Variants in PIP4K2A observed in about 807,000 individuals in gnomAD.
The protein encoded by PIP4K2A is phosphatidylinositol-5-phosphate 4-kinase type 2 alpha.
PIP4K2A carries 14 observed loss-of-function variants against 42.9 expected under a neutral mutation model. The observed-to-expected ratio is 0.33, with a 90% confidence interval of 0.22 to 0.51. The LOEUF is 0.51. Among genes scored for constraint, PIP4K2A ranks in the 20% least tolerant of loss-of-function variants. The pLI is 0.97. For synonymous variants in PIP4K2A, 192 were observed against 192.2 expected, an observed-to-expected ratio of 1.00 and a Z score of 0.01; for missense variants, 434 against 519.8, an observed-to-expected ratio of 0.83 and a Z score of 1.61.
intron 1 of PIP4K2A, among the ~76,000 whole-genome samples, chr10:22,668,752 G>C (rs1209751519): frequency 6.6e-6 from 1 of 152,094 alleles, no homozygotes; most frequent in Non-Finnish European, 1.5e-5. Context: ...CAGTCTACTA[G>C]CAACAGTAGA....
At chr10:22,594,476 G>A (rs1280735155) in intron 3 of PIP4K2A, among the ~76,000 whole-genome samples, 1 of 152,172 alleles carries the variant, frequency 6.6e-6, no homozygotes, top group African/African-American at 2.4e-5. Context: ...GCTCACTGCA[G>A]CCTTGATCTC....
At chr10:22,693,283 A>AT (rs144224297) in intron 1 of PIP4K2A, among the ~76,000 whole-genome samples, 2,788 of 148,864 alleles carry the variant, frequency 0.019, 72 homozygotes, top group African/African-American at 0.061. Context: ...TTACAACTTC[A>AT]TTTTTTTTTT....
intron 3 of PIP4K2A, among the ~76,000 whole-genome samples, chr10:22,603,009 A>T (rs1801582416): frequency 6.6e-6 from 1 of 152,248 alleles, no homozygotes; most frequent in Non-Finnish European, 1.5e-5. Flanking sequence ...TTCTAGAGAT[A>T]AAGGCAGAAT....
chr10:22,636,262 AG>A (rs1838660708), intron 1 of PIP4K2A, among the ~76,000 whole-genome samples: 1 of 152,080 alleles, frequency 6.6e-6, no homozygotes, highest in East Asian at 1.9e-4. Context: ...ATTTATTTTT[AG>A]TTTTTAAAGA....
chr10:22,657,347 A>G (rs552450907), intron 1 of PIP4K2A, among the ~76,000 whole-genome samples: 1 of 152,378 alleles, frequency 6.6e-6, no homozygotes, highest in African/African-American at 2.4e-5. Context: ...AATGACGTTT[A>G]GGAACAAAGC....
intron 1 of PIP4K2A, among the ~76,000 whole-genome samples, chr10:22,664,364 T>C (rs961732555): frequency 7.3e-5 from 11 of 150,414 alleles, no homozygotes; most frequent in South Asian, 2.1e-4. Flanking sequence ...GGATAACTAC[T>C]GTGACTGAAC....
At chr10:22,624,154 C>T (rs928185864) in intron 1 of PIP4K2A, among the ~76,000 whole-genome samples, 1 of 152,190 alleles carries the variant, frequency 6.6e-6, no homozygotes, top group Admixed American at 6.5e-5. Context: ...CAGTACTACA[C>T]TACAAATTCA....
intron 1 of PIP4K2A, among the ~76,000 whole-genome samples, chr10:22,697,608 C>A (rs775522537): frequency 2.0e-5 from 3 of 152,000 alleles, no homozygotes; most frequent in Non-Finnish European, 2.9e-5. Context: ...AACTATAGTC[C>A]CAGCTATTAC....
intron 1 of PIP4K2A, among the ~76,000 whole-genome samples, chr10:22,651,377 C>G (rs1838993369): frequency 6.6e-6 from 1 of 152,218 alleles, no homozygotes; most frequent in Non-Finnish European, 1.5e-5. Context: ...GACCTCAAAG[C>G]CCTACCTGAC....
At chr10:22,630,891 C>A (rs1174340641) in intron 1 of PIP4K2A, among the ~76,000 whole-genome samples, 1 of 152,196 alleles carries the variant, frequency 6.6e-6, no homozygotes, top group Non-Finnish European at 1.5e-5. Flanking sequence ...ATTAAGCCAG[C>A]AGACTCAGGC....
intron 1 of PIP4K2A, among the ~76,000 whole-genome samples, chr10:22,612,361 G>T (rs1319896543): frequency 2.6e-5 from 4 of 152,230 alleles, no homozygotes; most frequent in Non-Finnish European, 5.9e-5. Flanking sequence ...GCCAGATGGG[G>T]GAGGCATGTG....
intron 1 of PIP4K2A, among the ~76,000 whole-genome samples, chr10:22,705,425 T>TA (rs1833800596): frequency 3.0e-4 from 17 of 56,902 alleles, no homozygotes; most frequent in South Asian, 7.3e-4. Context: ...AGTACCCCAG[T>TA]TAAAAAAAAA....
At chr10:22,682,920 C>A (rs1041823409) in intron 1 of PIP4K2A, among the ~76,000 whole-genome samples, 2 of 152,166 alleles carry the variant, frequency 1.3e-5, no homozygotes, top group East Asian at 1.9e-4. Context: ...CCTGGCACTA[C>A]CCATGACCTT....
At chr10:22,695,796 A>C (rs1291692748) in intron 1 of PIP4K2A, among the ~76,000 whole-genome samples, 1 of 152,226 alleles carries the variant, frequency 6.6e-6, no homozygotes. Flanking sequence ...GTATGGTCAC[A>C]GTAAGTAGCT....
chr10:22,652,816 C>A (rs1839020465), intron 1 of PIP4K2A, among the ~76,000 whole-genome samples: 1 of 152,168 alleles, frequency 6.6e-6, no homozygotes. Context: ...ATGAAGGGTC[C>A]ATCGCAGTGG....
At chr10:22,573,849 C>G (rs567039888) in intron 4 of PIP4K2A, among the ~76,000 whole-genome samples, 1 of 152,358 alleles carries the variant, frequency 6.6e-6, no homozygotes, top group Non-Finnish European at 1.5e-5. Context: ...GCAGAGCAAC[C>G]TGGCTGCTAA....
rs57618053 is a variant in PIP4K2A, at chr10:22,706,961, T to A, written c.144+7222A>T. ...TTGATTTAGCATACAATCTGATAAT[T>A]TGCTACCTCTTAGCATTTAAGATAT... On this transcript the variant is annotated intron_variant, in intron 1 of 9. Coordinates refer to ENST00000376573, the MANE Select transcript of PIP4K2A (RefSeq NM_005028.5). Among the ~76,000 whole-genome samples the A allele has an allele frequency of 3.9e-3, 595 of 152,168 alleles. 7 individuals are homozygous for A. Among genetic ancestry groups the A allele is most frequent in the African/African-American group, 0.013 (548 of 41,500 alleles).
chr10:22,543,789 CG>C (rs1395425900), intron 7 of PIP4K2A, among the ~76,000 whole-genome samples: 4 of 152,170 alleles, frequency 2.6e-5, no homozygotes, highest in Non-Finnish European at 4.4e-5. Context: ...TCCACCCGCA[CG>C]GTGAAGCCAG....
At chr10:22,589,476 A>T (rs1198606465) in intron 4 of PIP4K2A, among the ~76,000 whole-genome samples, 2 of 152,246 alleles carry the variant, frequency 1.3e-5, no homozygotes, top group African/African-American at 2.4e-5. Flanking sequence ...GATTTATTAG[A>T]TATTAAATGA....
Sources: gnomAD v4.1 joint callset for allele counts (sites outside exome capture counted in the v4.1 genomes callset) on GRCh38, gnomAD v4.1.1 for gene constraint, MANE v1.5 for transcripts, NCBI Gene and HGNC (gene_info 2026-07-23, HGNC 2026-07-21) for gene names.